CYP39A1: variants seen among roughly 807,000 people sequenced by gnomAD.
CYP39A1 encodes the protein 24-hydroxycholesterol 7-alpha-hydroxylase.
In CYP39A1, 49 loss-of-function variants were observed where a neutral mutation model predicts 58.1. The observed-to-expected ratio is 0.84, with a 90% confidence interval of 0.67 to 1.07. The LOEUF is 1.07. CYP39A1 is among the 50% of genes least tolerant of loss of function. CYP39A1 has a pLI of 0.00. For missense variants in CYP39A1, 531 were observed against 539.4 expected (o/e 0.98, Z 0.16); for synonymous variants, 209 against 187.6 (o/e 1.11, Z -0.93).
At chr6:46,615,734 TAA>T (rs201723641) in intron 7 of CYP39A1, among the ~76,000 whole-genome samples, 8 of 139,476 alleles carry the variant, frequency 5.7e-5, no homozygotes, top group Admixed American at 1.4e-4. Flanking sequence ...TCCTCTGGAA[TAA>T]AAAAAAAAAA....
chr6:46,625,001 C>A (rs1775219004), intron 7 of CYP39A1, among the ~76,000 whole-genome samples: 1 of 152,020 alleles, frequency 6.6e-6, no homozygotes, highest in Non-Finnish European at 1.5e-5. Context: ...CTTACCTGAC[C>A]TCTACAGTCC....
Position 46,600,921 on chromosome 6 carries a change from G to C in CYP39A1, c.932-4801C>G, listed in dbSNP as rs138884219. ...AAACTCCCGATTTGTAGACAAGTTGGACAGAAGTGTGAATAACCTGGGGCT... is the reference window on the plus strand; with the variant it reads ...AAACTCCCGATTTGTAGACAAGTTGCACAGAAGTGTGAATAACCTGGGGCT... On this transcript the variant is annotated intron_variant, in intron 7 of 11. Coordinates refer to ENST00000275016, the MANE Select transcript of CYP39A1 (RefSeq NM_016593.5). Among the ~76,000 whole-genome samples the C allele has an allele frequency of 3.0e-3, 460 of 152,258 alleles. 2 individuals carry two copies. The highest frequency in any genetic ancestry group is 4.8e-3 in the Non-Finnish European group (323 of 67,998).
chr6:46,637,618 C>G (rs1174852881), intron 4 of CYP39A1, among the ~76,000 whole-genome samples: 1 of 152,206 alleles, frequency 6.6e-6, no homozygotes, highest in African/African-American at 2.4e-5. Context: ...CTCTTTCTCT[C>G]TTTTGTTTTT....
intron 1 of CYP39A1, among the ~76,000 whole-genome samples, chr6:46,645,020 T>C (rs140166238): frequency 7.7e-4 from 118 of 152,324 alleles, no homozygotes; most frequent in Non-Finnish European, 1.5e-3. Flanking sequence ...GACAGTTCTT[T>C]ATATATTCTA....
chr6:46,639,069 T>G (rs958475415), intron 3 of CYP39A1, among the ~76,000 whole-genome samples: 1 of 152,228 alleles, frequency 6.6e-6, no homozygotes, highest in Admixed American at 6.5e-5. Context: ...CACCACTTTA[T>G]GATTCCATTC....
intron 10 of CYP39A1, among the ~76,000 whole-genome samples, chr6:46,562,036 G>A (rs780525248): frequency 2.0e-5 from 3 of 152,010 alleles, no homozygotes; most frequent in Admixed American, 1.3e-4. Flanking sequence ...TTGTTTGTTT[G>A]TTTTTTGAGA....
chr6:46,568,979 T>C (rs1448782607), intron 10 of CYP39A1, among the ~76,000 whole-genome samples: 1 of 152,084 alleles, frequency 6.6e-6, no homozygotes, highest in Non-Finnish European at 1.5e-5. Context: ...TGGGTAGCAC[T>C]GGCATCTTTA....
chr6:46,557,723 A>G (rs1276324446), intron 10 of CYP39A1, among the ~76,000 whole-genome samples: 1 of 151,378 alleles, frequency 6.6e-6, no homozygotes, highest in Non-Finnish European at 1.5e-5. Context: ...CAGATCATGA[A>G]GTCAGGAGTT....
rs545181357 is a variant in CYP39A1, at chr6:46,634,149, G to C, written c.732+2240C>G. Among the ~76,000 whole-genome samples the C allele has an allele frequency of 2.0e-5, 3 of 152,290 alleles. No homozygotes were observed. The East Asian group carries it at 5.8e-4, about 29-fold the overall frequency. ...CCAGTGGGAGGTAACCGAATCATGG[G>C]AGCAGGTCTTTCTAGTGCTGTTCTC... On this transcript the variant is annotated intron_variant, in intron 5 of 11. Transcript: ENST00000275016.
chr6:46,579,991 T>C (rs1459838491), intron 10 of CYP39A1, among the ~76,000 whole-genome samples: 2 of 152,060 alleles, frequency 1.3e-5, no homozygotes, highest in East Asian at 1.9e-4. Context: ...TTCCACAGAA[T>C]TGGAAAAAAC....
chr6:46,627,419 TTTA>T (rs766938828), intron 6 of CYP39A1, among the ~76,000 whole-genome samples: 8,164 of 57,076 alleles, frequency 0.14, 225 homozygotes, highest in Middle Eastern at 0.26. Context: ...CTTTTATTTA[TTTA>T]TTTTTTTTTT....
chr6:46,623,840 T>C (rs960603111), intron 7 of CYP39A1, among the ~76,000 whole-genome samples: 1 of 152,130 alleles, frequency 6.6e-6, no homozygotes, highest in Non-Finnish European at 1.5e-5. Context: ...TATGTATGGA[T>C]TATTGAATAG....
At chr6:46,649,200 TTTGA>T (rs1444041776) in intron 1 of CYP39A1, among the ~76,000 whole-genome samples, 1 of 152,230 alleles carries the variant, frequency 6.6e-6, no homozygotes, top group African/African-American at 2.4e-5. Context: ...ATTGAAGACT[TTTGA>T]TTTTTACTGG....
chr6:46,564,877 C>G (rs1229684356), intron 10 of CYP39A1, among the ~76,000 whole-genome samples: 1 of 152,176 alleles, frequency 6.6e-6, no homozygotes, highest in Non-Finnish European at 1.5e-5. Context: ...AGGTAGCATA[C>G]AGACATAGTG....
intron 1 of CYP39A1, among the ~76,000 whole-genome samples, chr6:46,646,490 A>G (rs1762334767): frequency 6.6e-6 from 1 of 152,092 alleles, no homozygotes. Context: ...TTATTTCTGC[A>G]TCTATTAATA....
At chr6:46,638,454 T>C (rs2150592388) in intron 3 of CYP39A1, among the ~76,000 whole-genome samples, 1 of 152,238 alleles carries the variant, frequency 6.6e-6, no homozygotes, top group East Asian at 1.9e-4. Context: ...ATAGTACATA[T>C]CATCAATAAG....
At chr6:46,583,566 T>C in intron 10 of CYP39A1, 1 of 985,402 alleles carries the variant, frequency 1.0e-6, no homozygotes, top group Non-Finnish European at 1.2e-6. Flanking sequence ...CATGCTGCTC[T>C]TTCCTGTTTG....
intron 10 of CYP39A1, among the ~76,000 whole-genome samples, chr6:46,557,955 GA>G (rs1246268706): frequency 1.7e-5 from 2 of 114,562 alleles, no homozygotes; most frequent in Admixed American, 8.8e-5. Context: ...AAAAAAAAAA[GA>G]AAAAAAGAAA....
In CYP39A1 at chr6:46,625,445, C is replaced by T; in HGVS notation, c.904G>A (p.Gly302Ser). Residue 302 changes from glycine (G) to serine (S), a missense_variant, in exon 7 of 12, where the codon GGC becomes AGC. Transcript: ENST00000275016. ...HPDIHKAIMEGISSVFGKAGK... is the reference protein window; with the variant it reads ...HPDIHKAIMESISSVFGKAGK... ...GCTTTGCCAAACACAGAAGATATGC[C>T]TTCCATAATGGCCTTGTGGATATCA... The T allele has an allele frequency of 6.2e-7, 1 of 1,610,390 alleles. No individual in the cohort carries two copies. Among genetic ancestry groups the T allele is most frequent in the Non-Finnish European group, 8.5e-7 (1 of 1,178,018 alleles).
Sources: allele counts gnomAD v4.1 joint callset (sites outside exome capture counted in the v4.1 genomes callset), GRCh38; gene constraint gnomAD v4.1.1; transcripts MANE v1.5; gene names NCBI Gene and HGNC (gene_info 2026-07-23, HGNC 2026-07-21).